Variants in COL25A1 observed in about 807,000 individuals in gnomAD.
COL25A1 encodes the protein collagen alpha-1(XXV) chain.
In COL25A1, 103 loss-of-function variants were observed where a neutral mutation model predicts 128.4. The ratio of observed to expected loss-of-function variants is 0.80; its 90% CI spans 0.68 to 0.94. The LOEUF (loss-of-function observed/expected upper bound fraction) is 0.94. Among genes scored for constraint, COL25A1 ranks in the 40% least tolerant of loss-of-function variants. COL25A1 has a pLI of 0.00. For missense variants in COL25A1, 745 were observed against 840.0 expected, an observed-to-expected ratio of 0.89 and a Z score of 1.40; for synonymous variants, 279 against 277.2, an observed-to-expected ratio of 1.01 and a Z score of -0.06.
rs529939419 is a variant in COL25A1 at position 108,853,530 on chromosome 4, T to TTG, written c.1321-606_1321-605insCA. ...TTTAAAATTTATTGATTGATTGATT[T>TTG]ATTATACTTAAGTTCTGGGATACAT... On this transcript the variant is annotated intron_variant, in intron 24 of 37. Transcript: ENST00000399132. Among the ~76,000 whole-genome samples, 1,403 of 151,916 alleles carry TTG rather than the reference T, an allele frequency of 9.2e-3. 23 individuals carry two copies. Among genetic ancestry groups the TTG allele is most frequent in the African/African-American group, 0.032 (1,343 of 41,432 alleles).
Position 109,220,339 on chromosome 4 carries a change from G to A in COL25A1, c.367+80244C>T, listed in dbSNP as rs1382103138. On this transcript the variant is annotated intron_variant, in intron 3 of 37. Coordinates refer to ENST00000399132, the MANE Select transcript of COL25A1 (RefSeq NM_198721.4). ...TACGCAGACATCCATTTCGCTTCAGGTACTTGTGGTTTATCTCAACTGATA... is the reference window on the plus strand; with the variant it reads ...TACGCAGACATCCATTTCGCTTCAGATACTTGTGGTTTATCTCAACTGATA... 2.0e-5 allele frequency among the ~76,000 whole-genome samples: 3 copies of A among 152,220 alleles called. No homozygotes were observed. In the East Asian group the frequency reaches 5.8e-4, roughly 29 times the overall value.
At chr4:109,107,493 AAACT>A (rs1460530452) in intron 3 of COL25A1, among the ~76,000 whole-genome samples, 1 of 152,218 alleles carries the variant, frequency 6.6e-6, no homozygotes, top group Non-Finnish European at 1.5e-5. Context: ...TGAGAAAAGG[AAACT>A]AACCACTTGT....
In COL25A1 at chr4:108,903,832, G is replaced by A. The variant is rs149297367; in HGVS notation, c.781-2660C>T. 7.8e-3 allele frequency among the ~76,000 whole-genome samples: 1,193 copies of A among 152,056 alleles called. 12 individuals carry two copies. Among genetic ancestry groups the A allele is most frequent in the African/African-American group, 0.027 (1,104 of 41,532 alleles). On this transcript the variant is annotated intron_variant, in intron 13 of 37. Coordinates refer to ENST00000399132, the MANE Select transcript of COL25A1 (RefSeq NM_198721.4). ...GAATATCACAATTTTAATTATTTTT[G>A]TAGCCATTTTAATAAGCACAACTGA...
intron 6 of COL25A1, among the ~76,000 whole-genome samples, chr4:108,986,533 T>TA (rs1157966546): frequency 6.6e-6 from 1 of 152,154 alleles, no homozygotes; most frequent in Non-Finnish European, 1.5e-5. Context: ...ACAAGTTAAA[T>TA]AATACCAAAA....
chr4:109,299,496 G>A (rs1725308025), intron 3 of COL25A1, among the ~76,000 whole-genome samples: 1 of 152,150 alleles, frequency 6.6e-6, no homozygotes, highest in Non-Finnish European at 1.5e-5. Context: ...ACAACCTGGA[G>A]TTGACATTTA....
intron 3 of COL25A1, among the ~76,000 whole-genome samples, chr4:109,150,687 C>T (rs555385273): frequency 1.3e-5 from 2 of 152,180 alleles, no homozygotes; most frequent in Admixed American, 1.3e-4. Context: ...ACGTTTATGT[C>T]TAATGACAAA....
At chr4:109,298,071 G>A (rs772171028) in intron 3 of COL25A1, among the ~76,000 whole-genome samples, 2 of 151,552 alleles carry the variant, frequency 1.3e-5, no homozygotes, top group Non-Finnish European at 2.9e-5. Flanking sequence ...TCCTGACTTT[G>A]CCTTTACCAT....
chr4:109,277,999 G>A (rs148564134), intron 3 of COL25A1, among the ~76,000 whole-genome samples: 2,832 of 152,118 alleles, frequency 0.019, 96 homozygotes, highest in African/African-American at 0.063. Flanking sequence ...GCCAGGCATG[G>A]TGGCACATAC....
At chr4:108,907,429 G>A (rs1403721503) in intron 13 of COL25A1, among the ~76,000 whole-genome samples, 2 of 152,150 alleles carry the variant, frequency 1.3e-5, no homozygotes, top group Non-Finnish European at 2.9e-5. Flanking sequence ...TAGCTGGGAC[G>A]ATGCTGGTTC....
chr4:109,228,453 T>C (rs556217696), intron 3 of COL25A1, among the ~76,000 whole-genome samples: 1 of 152,318 alleles, frequency 6.6e-6, no homozygotes, highest in East Asian at 1.9e-4. Flanking sequence ...CAGCCAGATA[T>C]ACACTAATCC....
intron 3 of COL25A1, among the ~76,000 whole-genome samples, chr4:109,057,429 T>C (rs1462752835): frequency 2.6e-5 from 3 of 117,436 alleles, no homozygotes; most frequent in Admixed American, 1.8e-4. Context: ...TAATTTTTTT[T>C]TTTTTTTTTT....
At chr4:109,119,965 C>A (rs1767969774) in intron 3 of COL25A1, among the ~76,000 whole-genome samples, 1 of 152,086 alleles carries the variant, frequency 6.6e-6, no homozygotes, top group Non-Finnish European at 1.5e-5. Context: ...CCCCAGTATG[C>A]AAGGCTGGCT....
chr4:108,965,814 G>T (rs1271669510), intron 8 of COL25A1, among the ~76,000 whole-genome samples: 1 of 152,122 alleles, frequency 6.6e-6, no homozygotes, highest in Non-Finnish European at 1.5e-5. Context: ...ATAAAGAAAT[G>T]AAGTTCATTT....
chr4:108,871,446 G>C (rs1374908896), intron 19 of COL25A1, among the ~76,000 whole-genome samples: 1 of 152,016 alleles, frequency 6.6e-6, no homozygotes, highest in Non-Finnish European at 1.5e-5. Context: ...CTCCCGAGTA[G>C]CTGGGACTAC....
intron 5 of COL25A1, among the ~76,000 whole-genome samples, chr4:109,019,717 G>A (rs1757556394): frequency 6.6e-6 from 1 of 152,000 alleles, no homozygotes. Context: ...GGATTATGGG[G>A]ATTACAACTG....
rs1043168205 is a variant in COL25A1, at chr4:108,812,637, T to C, written c.*1290A>G. 8 of 152,148 alleles carry C rather than the reference T, an allele frequency of 5.3e-5. No homozygotes were observed. The highest frequency in any genetic ancestry group is 1.2e-4 in the Non-Finnish European group (8 of 68,004). The allele number at this position is 152,148 out of a possible 1,614,324, so 9.4% of individuals were successfully genotyped here. On this transcript the variant is annotated 3_prime_UTR_variant, in exon 38 of 38. Coordinates refer to ENST00000399132, the MANE Select transcript of COL25A1 (RefSeq NM_198721.4). ...CATATGTGACAAAAACTGAAACTAA[T>C]ATTTTTTCAATATTCTTGGGACTAA...
chr4:109,280,910 G>A (rs901672732), intron 3 of COL25A1, among the ~76,000 whole-genome samples: 5 of 151,886 alleles, frequency 3.3e-5, no homozygotes, highest in Admixed American at 2.0e-4. Context: ...CTCCCAAAGT[G>A]GCTGAAATAC....
At chr4:109,152,119 C>T (rs1327826243) in intron 3 of COL25A1, among the ~76,000 whole-genome samples, 1 of 149,668 alleles carries the variant, frequency 6.7e-6, no homozygotes, top group African/African-American at 2.4e-5. Context: ...GTGGCATTTA[C>T]CTTACACTAA....
chr4:109,169,984 A>G (rs1286139756), intron 3 of COL25A1, among the ~76,000 whole-genome samples: 4 of 152,126 alleles, frequency 2.6e-5, no homozygotes, highest in Non-Finnish European at 5.9e-5. Flanking sequence ...TAATAAATGA[A>G]TAAACATTCA....
Sources: allele counts gnomAD v4.1 joint callset (sites outside exome capture counted in the v4.1 genomes callset), GRCh38; gene constraint gnomAD v4.1.1; transcripts MANE v1.5; gene names NCBI Gene and HGNC (gene_info 2026-07-23, HGNC 2026-07-21).